Variants in ARHGAP20 observed in about 807,000 individuals in gnomAD.
The protein encoded by ARHGAP20 is rho GTPase-activating protein 20.
In ARHGAP20, 34 loss-of-function variants were observed where a neutral mutation model predicts 73.7. That is an observed-to-expected ratio of 0.46 (90% confidence interval 0.35 to 0.61). The LOEUF is 0.61. Among genes scored for constraint, ARHGAP20 ranks in the 20% least tolerant of loss-of-function variants. The pLI is 0.00. For synonymous variants in ARHGAP20, 523 were observed against 518.2 expected (o/e 1.01, Z -0.13); for missense variants, 1,314 against 1,420.9 (o/e 0.92, Z 1.21).
intron 9 of ARHGAP20, among the ~76,000 whole-genome samples, chr11:110,596,151 G>A (rs983489105): frequency 1.3e-5 from 2 of 152,070 alleles, no homozygotes; most frequent in Non-Finnish European, 1.5e-5. Flanking sequence ...ATTCAAGATG[G>A]ATTAAAGACT....
Position 110,579,179 on chromosome 11 carries a change from G to C in ARHGAP20, c.*191C>G. ...GAAAAAGCCTCCCAAACACTTAGGT[G>C]ACAAAATTTTTAGCATAAAGTATTT... On this transcript the variant is annotated 3_prime_UTR_variant, in exon 15 of 15. Coordinates refer to ENST00000683387, the MANE Select transcript of ARHGAP20 (RefSeq NM_001384657.1). 1 of 1,279,166 alleles carries C rather than the reference G, an allele frequency of 7.8e-7. No homozygotes were observed. Among genetic ancestry groups the C allele is most frequent in the African/African-American group, 1.5e-5 (1 of 67,578 alleles). The allele number at this position is 1,279,166 out of a possible 1,614,324, so 79.2% of individuals were successfully genotyped here. A position where few individuals can be genotyped will look rare whatever the true frequency, so the allele number is the denominator to read the frequency against.
intron 9 of ARHGAP20, among the ~76,000 whole-genome samples, chr11:110,597,728 T>G (rs973081123): frequency 6.6e-6 from 1 of 152,228 alleles, no homozygotes; most frequent in East Asian, 1.9e-4. Context: ...GAGGATAAAG[T>G]AGAAATTGAG....
At chr11:110,660,472 C>A (rs931333839) in intron 2 of ARHGAP20, among the ~76,000 whole-genome samples, 7 of 152,146 alleles carry the variant, frequency 4.6e-5, no homozygotes, top group African/African-American at 7.2e-5. Context: ...GTTGAATCTG[C>A]AGGTTTAACT....
intron 1 of ARHGAP20, among the ~76,000 whole-genome samples, chr11:110,700,910 G>A (rs1448267515): frequency 6.6e-6 from 1 of 151,346 alleles, no homozygotes; most frequent in Non-Finnish European, 1.5e-5. Context: ...CCCTACAAAG[G>A]ACATGAACTC....
chr11:110,673,353 C>T (rs183671589), intron 2 of ARHGAP20, among the ~76,000 whole-genome samples: 20 of 152,182 alleles, frequency 1.3e-4, no homozygotes, highest in African/African-American at 4.6e-4. Flanking sequence ...TAATCAATAA[C>T]ATACTTTTAA....
At chr11:110,630,823 A>C (rs1236239256) in intron 2 of ARHGAP20, 31 bp from the exon 3 acceptor site, 2 of 1,601,346 alleles carry the variant, frequency 1.2e-6, no homozygotes, top group Non-Finnish European at 1.7e-6. Flanking sequence ...CAGATCAGTC[A>C]AACGATCATC....
chr11:110,590,904 G>C (rs141230173), intron 10 of ARHGAP20, 95 bp from the exon 11 acceptor site: 1 of 1,272,478 alleles, frequency 7.9e-7, no homozygotes, highest in African/African-American at 1.5e-5. Context: ...GCTAGGGTGC[G>C]CTAGGGTAAA....
chr11:110,592,097 T>C lies in ARHGAP20; in HGVS notation c.1023A>G (p.Arg341=). The change falls in exon 10 of 15, where the codon CGA becomes CGG. Residue 341 remains arginine (R), a synonymous_variant. Transcript: ENST00000683387. ...RRSIINWAFW[R]GSSTHLDNLP... The stretch of plus-strand genomic sequence containing the variant: ...AGTTGTCCAGGTGAGTGCTAGAACC[T>C]CGCCAGAAGGCCCAGTTTATGATAG... 6.2e-7 allele frequency: 1 copy of C among 1,614,212 alleles called. No individual in the cohort carries two copies. The highest frequency in any genetic ancestry group is 8.5e-7 in the Non-Finnish European group (1 of 1,180,012).
At position 110,712,092 on chromosome 11, in the gene ARHGAP20, G is replaced by GGAGGGCACGGGCCCCCGCAA. The variant is rs1555107342; in HGVS notation, c.105+34_105+35insTTGCGGGGGCCCGTGCCCTC. 40 of 1,269,642 alleles carry GGAGGGCACGGGCCCCCGCAA rather than the reference G, an allele frequency of 3.2e-5. No homozygotes were observed. In the African/African-American group the frequency reaches 5.1e-4, roughly 16 times the overall value. 78.6% of individuals were successfully genotyped at this position (1,269,642 alleles called of 1,614,324 possible). On this transcript the variant is annotated intron_variant, in intron 1 of 14. Transcript: ENST00000683387. Reference sequence around the variant, plus strand: ...GCGCGCCGGCAGTGGGGGCTGCGGCGGCGGAGGGCACGGGCCCCCGCTCAG... The same window carrying GGAGGGCACGGGCCCCCGCAA: ...GCGCGCCGGCAGTGGGGGCTGCGGCGGAGGGCACGGGCCCCCGCAAGCGGAGGGCACGGGCCCCCGCTCAG...
At chr11:110,591,607 C>T (rs559722059) in intron 10 of ARHGAP20, among the ~76,000 whole-genome samples, 8 of 152,220 alleles carry the variant, frequency 5.3e-5, no homozygotes, top group South Asian at 4.1e-4. Context: ...ATAAATAAAA[C>T]GGATTTAAAA....
chr11:110,581,948 A>C (rs1947483058), intron 14 of ARHGAP20, among the ~76,000 whole-genome samples: 1 of 148,636 alleles, frequency 6.7e-6, no homozygotes, highest in Non-Finnish European at 1.5e-5. Context: ...AAAAAAAAAA[A>C]CATTCATGCC....
chr11:110,679,224 A>AAG (rs1949991240), intron 2 of ARHGAP20, among the ~76,000 whole-genome samples: 1 of 152,224 alleles, frequency 6.6e-6, no homozygotes, highest in Admixed American at 6.5e-5. Context: ...TGGTCAGAGA[A>AAG]AGAAAGTATG....
rs1947963107 is a variant in ARHGAP20 at position 110,596,452 on chromosome 11, TAAAC to T, written c.965-4301_965-4298del. On this transcript the variant is annotated intron_variant, in intron 9 of 14. Coordinates refer to ENST00000683387, the MANE Select transcript of ARHGAP20 (RefSeq NM_001384657.1). ...TGAACTCAAACGAATTTACAAGAAA[TAAAC>T]AACCCCATCAAAAAGTGGGCAAAGG... Among the ~76,000 whole-genome samples, 4 of 150,382 alleles carry T rather than the reference TAAAC, an allele frequency of 2.7e-5. No homozygotes were observed. In the South Asian group the frequency reaches 6.3e-4, roughly 24 times the overall value.
rs1340661284 is a variant in ARHGAP20 at position 110,599,054 on chromosome 11, G to A, written c.965-6899C>T. ...TGCTCTTGTGTGGGGACAGGTAGGAGCCCTGCCCTCCCAGGTGTAGCTCCA... is the reference window on the plus strand; with the variant it reads ...TGCTCTTGTGTGGGGACAGGTAGGAACCCTGCCCTCCCAGGTGTAGCTCCA... On this transcript the variant is annotated intron_variant, in intron 9 of 14. Transcript: ENST00000683387. Among the ~76,000 whole-genome samples, 3 of 152,168 alleles carry A rather than the reference G, an allele frequency of 2.0e-5. No individual in the cohort carries two copies. In the East Asian group the frequency reaches 5.8e-4, roughly 29 times the overall value.
chr11:110,690,154 A>G (rs1336682300), intron 2 of ARHGAP20, among the ~76,000 whole-genome samples: 4 of 152,192 alleles, frequency 2.6e-5, no homozygotes, highest in African/African-American at 9.7e-5. Flanking sequence ...CTTCACATCT[A>G]AAGTTGGTAA....
intron 3 of ARHGAP20, among the ~76,000 whole-genome samples, chr11:110,625,566 A>G (rs953965003): frequency 9.8e-5 from 15 of 152,316 alleles, no homozygotes; most frequent in Non-Finnish European, 2.2e-4. Flanking sequence ...AAGAACCTAA[A>G]CCAAACTTAA....
Position 110,652,931 on chromosome 11 carries a change from C to T in ARHGAP20, c.189-22139G>A, listed in dbSNP as rs142685836. The stretch of plus-strand genomic sequence containing the variant: ...AATAAGACTACACATCTATAATCAT[C>T]TGATCTTTGACAAACCTGACAAAAA... On this transcript the variant is annotated intron_variant, in intron 2 of 14. Transcript: ENST00000683387. Among the ~76,000 whole-genome samples, 534 of 152,242 alleles carry T rather than the reference C, an allele frequency of 3.5e-3. 1 individual carries two copies. Among genetic ancestry groups the T allele is most frequent in the Middle Eastern group, 6.8e-3 (2 of 294 alleles).
chr11:110,615,885 A>T (rs1948472176), intron 4 of ARHGAP20, among the ~76,000 whole-genome samples: 2 of 152,212 alleles, frequency 1.3e-5, no homozygotes, highest in African/African-American at 4.8e-5. Flanking sequence ...TATCAGTGTG[A>T]GAGAGTTCCT....
rs1948104191 is a variant in ARHGAP20, at chr11:110,601,295, C to T, written c.964+5266G>A. Among the ~76,000 whole-genome samples, 4 of 152,158 alleles carry T rather than the reference C, an allele frequency of 2.6e-5. No homozygotes were observed. In the South Asian group the frequency reaches 8.3e-4, roughly 32 times the overall value. ...AAAATTCTATGTTTATACTATGTGC[C>T]AAAAAAGAAGTATTAGCTCATTTTT... is the stretch of plus-strand genomic sequence containing the variant. On this transcript the variant is annotated intron_variant, in intron 9 of 14. Transcript: ENST00000683387.
Sources: gnomAD v4.1 joint callset for allele counts (sites outside exome capture counted in the v4.1 genomes callset) on GRCh38, gnomAD v4.1.1 for gene constraint, MANE v1.5 for transcripts, NCBI Gene and HGNC (gene_info 2026-07-23, HGNC 2026-07-21) for gene names.